ARSJ: variants seen among roughly 807,000 people sequenced by gnomAD.
ARSJ encodes arylsulfatase family member J, also known as arylsulfatase J.
ARSJ carries 26 observed loss-of-function variants against 35.9 expected under a neutral mutation model. The observed-to-expected ratio is 0.72, with a 90% CI of 0.53 to 1.00. The LOEUF (loss-of-function observed/expected upper bound fraction) is 1.00. ARSJ is among the 50% of genes least tolerant of loss of function. ARSJ has a pLI of 0.00. For synonymous variants in ARSJ, 294 were observed against 267.6 expected, an observed-to-expected ratio of 1.10 and a Z score of -0.96; for missense variants, 667 against 723.6, an observed-to-expected ratio of 0.92 and a Z score of 0.90.
At chr4:113,926,886 C>G (rs2149262037) in intron 1 of ARSJ, among the ~76,000 whole-genome samples, 1 of 152,222 alleles carries the variant, frequency 6.6e-6, no homozygotes, top group African/African-American at 2.4e-5. Context: ...GCTCCAAAAT[C>G]CTAGAGGCCT....
intron 1 of ARSJ, among the ~76,000 whole-genome samples, chr4:113,904,086 A>AT (rs10607935): frequency 0.015 from 2,183 of 149,360 alleles, 16 homozygotes; most frequent in South Asian, 0.02. Flanking sequence ...ACATGCCCAG[A>AT]TTTTTTTTTT....
At chr4:113,954,945 G>A (rs1419612778) in intron 1 of ARSJ, among the ~76,000 whole-genome samples, 2 of 150,816 alleles carry the variant, frequency 1.3e-5, no homozygotes, top group Non-Finnish European at 2.9e-5. Flanking sequence ...TGTCCCTGCT[G>A]TAAACAGAAG....
At chr4:113,962,767 T>A (rs1046426610) in intron 1 of ARSJ, among the ~76,000 whole-genome samples, 1 of 152,064 alleles carries the variant, frequency 6.6e-6, no homozygotes, top group Non-Finnish European at 1.5e-5. Context: ...TGAAGTTAGA[T>A]CAGGTTCCCC....
At chr4:113,952,164 G>A (rs1427723353) in intron 1 of ARSJ, among the ~76,000 whole-genome samples, 1 of 151,936 alleles carries the variant, frequency 6.6e-6, no homozygotes, top group Non-Finnish European at 1.5e-5. Context: ...TAAACTCCTG[G>A]CCTCAAGCAA....
At chr4:113,959,660 A>G (rs1726416861) in intron 1 of ARSJ, among the ~76,000 whole-genome samples, 1 of 152,096 alleles carries the variant, frequency 6.6e-6, no homozygotes, top group South Asian at 2.1e-4. Flanking sequence ...TACAAATTTC[A>G]CAGACAGTAT....
rs1176800682 is a variant in ARSJ at position 113,979,506 on chromosome 4, C to G, written c.-672G>C. The G allele has an allele frequency of 6.6e-6, 1 of 152,380 alleles. No homozygotes were observed. The highest frequency in any genetic ancestry group is 1.5e-5 in the Non-Finnish European group (1 of 68,130). The allele number at this position is 152,380 out of a possible 1,614,324, so 9.4% of individuals were successfully genotyped here. A position where few individuals can be genotyped will look rare whatever the true frequency, so the allele number is the denominator to read the frequency against. Reference sequence around the variant, plus strand: ...GTTTCCTGATCTCCCTCCACCTCCGCAGAAACTCCGGGCAGCAATTCCTTT... The same window carrying G: ...GTTTCCTGATCTCCCTCCACCTCCGGAGAAACTCCGGGCAGCAATTCCTTT... On this transcript the variant is annotated 5_prime_UTR_variant, in exon 1 of 2. Coordinates refer to ENST00000315366, the MANE Select transcript of ARSJ (RefSeq NM_024590.4).
intron 1 of ARSJ, among the ~76,000 whole-genome samples, chr4:113,958,975 C>T (rs1279658961): frequency 6.6e-6 from 1 of 151,940 alleles, no homozygotes; most frequent in African/African-American, 2.4e-5. Context: ...CTCTACCAAC[C>T]CTTTTAATAA....
intron 1 of ARSJ, among the ~76,000 whole-genome samples, chr4:113,916,185 C>G (rs1163300189): frequency 6.6e-6 from 1 of 152,120 alleles, no homozygotes; most frequent in African/African-American, 2.4e-5. Flanking sequence ...GACATTCTGC[C>G]TAATGACTTG....
At chr4:113,926,254 C>T (rs1384887979) in intron 1 of ARSJ, among the ~76,000 whole-genome samples, 1 of 151,940 alleles carries the variant, frequency 6.6e-6, no homozygotes, top group African/African-American at 2.4e-5. Context: ...AGTCCCTGAC[C>T]ATCCAGCCAA....
rs117105947 is a variant in ARSJ, at chr4:113,913,910, G to A, written c.399-10235C>T. On this transcript the variant is annotated intron_variant, in intron 1 of 1. Coordinates refer to ENST00000315366, the MANE Select transcript of ARSJ (RefSeq NM_024590.4). ...GAAGATATCCTTAAGTAATATCATC[G>A]TAATATTAGTTAGAATCCTCAACGT... 1.9e-3 allele frequency among the ~76,000 whole-genome samples: 293 copies of A among 152,166 alleles called. 4 individuals carry two copies. In the East Asian group the frequency reaches 0.035, roughly 18 times the overall value.
At chr4:113,931,606 A>T (rs1724456874) in intron 1 of ARSJ, among the ~76,000 whole-genome samples, 1 of 152,106 alleles carries the variant, frequency 6.6e-6, no homozygotes, top group Non-Finnish European at 1.5e-5. Context: ...ATTTCAAATT[A>T]TTTTGGAGTC....
Position 113,902,034 on chromosome 4 carries a change from CAA to C in ARSJ, c.*238_*239del. ...GGACTCACCACGTTTTCTAAAGGAG[CAA>C]GAGAAATAAACATCTCCACTCTCTC... On this transcript the variant is annotated 3_prime_UTR_variant, in exon 2 of 2. Coordinates refer to ENST00000315366, the MANE Select transcript of ARSJ (RefSeq NM_024590.4). The C allele has an allele frequency of 8.1e-7, 1 of 1,240,680 alleles. No individual in the cohort carries two copies. The highest frequency in any genetic ancestry group is 1.5e-5 in the South Asian group (1 of 68,412). The allele number at this position is 1,240,680 out of a possible 1,614,324, so 76.9% of individuals were successfully genotyped here. A position where few individuals can be genotyped will look rare whatever the true frequency, so the allele number is the denominator to read the frequency against.
At position 113,901,218 on chromosome 4, in the gene ARSJ, T is replaced by C. The variant is rs914501077; in HGVS notation, c.*1056A>G. ...AAGTAAATCATTTTAATAATTAAGA[T>C]ACATAAATAGTTTATGATAGAAACA... On this transcript the variant is annotated 3_prime_UTR_variant, in exon 2 of 2. Coordinates refer to ENST00000315366, the MANE Select transcript of ARSJ (RefSeq NM_024590.4). The C allele has an allele frequency of 6.6e-6, 1 of 152,188 alleles. No homozygotes were observed. Among genetic ancestry groups the C allele is most frequent in the Non-Finnish European group, 1.5e-5 (1 of 68,024 alleles). The allele number at this position is 152,188 out of a possible 1,614,324, so 9.4% of individuals were successfully genotyped here. A position where few individuals can be genotyped will look rare whatever the true frequency, so the allele number is the denominator to read the frequency against.
At chr4:113,908,285 T>C (rs767556184) in intron 1 of ARSJ, among the ~76,000 whole-genome samples, 2 of 148,720 alleles carry the variant, frequency 1.3e-5, no homozygotes, top group Non-Finnish European at 3.0e-5. Flanking sequence ...AGGAGAATAC[T>C]CTTGTTGGTA....
At chr4:113,950,847 A>G (rs1725822229) in intron 1 of ARSJ, among the ~76,000 whole-genome samples, 1 of 152,072 alleles carries the variant, frequency 6.6e-6, no homozygotes, top group Non-Finnish European at 1.5e-5. Flanking sequence ...GTTTGTTATG[A>G]GGCAGCACCC....
At chr4:113,960,486 G>A (rs565680600) in intron 1 of ARSJ, among the ~76,000 whole-genome samples, 3 of 152,040 alleles carry the variant, frequency 2.0e-5, no homozygotes, top group Admixed American at 2.0e-4. Flanking sequence ...TTATAAAACC[G>A]CAGGATTATT....
chr4:113,952,635 G>A (rs1725932907), intron 1 of ARSJ, among the ~76,000 whole-genome samples: 1 of 152,186 alleles, frequency 6.6e-6, no homozygotes, highest in South Asian at 2.1e-4. Flanking sequence ...AGTCACTAGA[G>A]GGAAATAGAG....
intron 1 of ARSJ, among the ~76,000 whole-genome samples, chr4:113,955,066 G>A (rs1366816187): frequency 6.6e-6 from 1 of 150,612 alleles, no homozygotes; most frequent in Non-Finnish European, 1.5e-5. Context: ...ATACCAGATG[G>A]ATGAAAATAA....
intron 1 of ARSJ, among the ~76,000 whole-genome samples, chr4:113,966,665 A>T (rs1726911396): frequency 6.6e-6 from 1 of 152,252 alleles, no homozygotes; most frequent in Non-Finnish European, 1.5e-5. Flanking sequence ...CACATAATAT[A>T]GGAAGGTAAA....
Sources: allele counts gnomAD v4.1 joint callset (sites outside exome capture counted in the v4.1 genomes callset), GRCh38; gene constraint gnomAD v4.1.1; transcripts MANE v1.5; gene names NCBI Gene and HGNC (gene_info 2026-07-23, HGNC 2026-07-21).